Variants in RGS7 observed in about 807,000 individuals in gnomAD.
The protein encoded by RGS7 is regulator of G protein signaling 7, also known as regulator of G-protein signaling 7.
A neutral mutation model predicts 81.1 loss-of-function variants in RGS7; 27 were observed. The ratio of observed to expected loss-of-function variants is 0.33; its 90% confidence interval spans 0.25 to 0.46. The LOEUF (loss-of-function observed/expected upper bound fraction) is 0.46. Ranked by LOEUF, RGS7 falls within the 20% of genes least tolerant of loss-of-function variation. The pLI is 1.00. For missense variants in RGS7, 396 were observed against 607.4 expected (o/e 0.65, Z 3.66); for synonymous variants, 208 against 207.7 (o/e 1.00, Z -0.01).
Position 241,232,027 on chromosome 1 carries a change from C to T in RGS7, c.78+123672G>A, listed in dbSNP as rs1210127767. The stretch of plus-strand genomic sequence containing the variant: ...ATAGTGTAAGGTAAGGATTTAAATT[C>T]GCTGCTTTTTGTATGGATATATAAT... On this transcript the variant is annotated intron_variant, in intron 2 of 18. Coordinates refer to ENST00000440928, the MANE Select transcript of RGS7 (RefSeq NM_001364886.1). Among the ~76,000 whole-genome samples the T allele has an allele frequency of 3.9e-5, 6 of 152,102 alleles. No individual in the cohort carries two copies. The South Asian group carries it at 1.2e-3, about 32-fold the overall frequency.
At chr1:241,296,162 A>G (rs7355007) in intron 2 of RGS7, among the ~76,000 whole-genome samples, 108,968 of 151,968 alleles carry the variant, frequency 0.72, 40,520 homozygotes, top group East Asian at 0.98. Flanking sequence ...CCAGGAAAGG[A>G]AGAGCAGGAG....
intron 2 of RGS7, among the ~76,000 whole-genome samples, chr1:241,212,181 A>C (rs2074282734): frequency 6.6e-6 from 1 of 152,138 alleles, no homozygotes; most frequent in African/African-American, 2.4e-5. Flanking sequence ...AATAATAACA[A>C]ATACACATGT....
intron 3 of RGS7, among the ~76,000 whole-genome samples, chr1:241,089,381 A>G (rs191300615): frequency 1.3e-5 from 2 of 151,682 alleles, no homozygotes; most frequent in African/African-American, 4.9e-5. Context: ...TCTGAGGTAA[A>G]GGCAATTGAG....
rs116304977 is a variant in RGS7, at chr1:241,286,869, C to A, written c.78+68830G>T. Among the ~76,000 whole-genome samples, 1,352 of 152,310 alleles carry A rather than the reference C, an allele frequency of 8.9e-3. 9 individuals carry two copies. Among genetic ancestry groups the A allele is most frequent in the Non-Finnish European group, 0.014 (923 of 68,026 alleles). On this transcript the variant is annotated intron_variant, in intron 2 of 18. Transcript: ENST00000440928. ...GTCTGGTGGCCTACACCACACACTA[C>A]AATCAACAAGGGACATCTAGATTTC...
intron 2 of RGS7, among the ~76,000 whole-genome samples, chr1:241,342,493 T>C (rs1290292962): frequency 6.6e-6 from 1 of 152,238 alleles, no homozygotes. Context: ...AAATTAGCCT[T>C]TGGAGCTCAG....
At chr1:241,063,906 G>A (rs191846471) in intron 3 of RGS7, among the ~76,000 whole-genome samples, 4 of 152,210 alleles carry the variant, frequency 2.6e-5, no homozygotes, top group African/African-American at 7.2e-5. Context: ...AAATAAAGCC[G>A]GGCGCGGTGG....
intron 4 of RGS7, among the ~76,000 whole-genome samples, chr1:240,957,247 C>A (rs185269357): frequency 2.6e-5 from 4 of 152,244 alleles, no homozygotes; most frequent in African/African-American, 9.6e-5. Context: ...ATGCTTCCTG[C>A]CCTCGAACCT....
At chr1:241,136,449 G>C (rs886560861) in intron 2 of RGS7, among the ~76,000 whole-genome samples, 44 of 152,104 alleles carry the variant, frequency 2.9e-4, no homozygotes, top group African/African-American at 9.7e-4. Flanking sequence ...TGGAGATAAG[G>C]GGGGGGATGT....
At chr1:240,881,635 TAAAG>T (rs1666411027) in intron 6 of RGS7, among the ~76,000 whole-genome samples, 1 of 152,216 alleles carries the variant, frequency 6.6e-6, no homozygotes, top group Non-Finnish European at 1.5e-5. Context: ...AATGAAAAGT[TAAAG>T]AATAATTTGG....
intron 2 of RGS7, among the ~76,000 whole-genome samples, chr1:241,325,530 A>T (rs987032768): frequency 1.3e-5 from 2 of 152,218 alleles, no homozygotes; most frequent in Admixed American, 6.5e-5. Context: ...TGCCAGTCAC[A>T]GGTGCACACA....
intron 18 of RGS7, among the ~76,000 whole-genome samples, chr1:240,791,576 G>C (rs1489244592): frequency 6.6e-6 from 1 of 152,150 alleles, no homozygotes; most frequent in Non-Finnish European, 1.5e-5. Context: ...GTATAAAAAT[G>C]GCTTTCTTTT....
intron 10 of RGS7, among the ~76,000 whole-genome samples, chr1:240,824,733 C>G (rs746809008): frequency 2.6e-5 from 4 of 152,174 alleles, no homozygotes; most frequent in Non-Finnish European, 5.9e-5. Flanking sequence ...CAGCCCTATC[C>G]CCCAACATAG....
intron 4 of RGS7, among the ~76,000 whole-genome samples, chr1:240,981,982 C>A (rs559814315): frequency 6.6e-6 from 1 of 152,308 alleles, no homozygotes; most frequent in South Asian, 2.1e-4. Flanking sequence ...TATCACTGAC[C>A]TTTTCTGCAG....
At chr1:240,911,015 A>AT (rs1394801417) in intron 6 of RGS7, among the ~76,000 whole-genome samples, 1 of 152,024 alleles carries the variant, frequency 6.6e-6, no homozygotes, top group African/African-American at 2.4e-5. Context: ...TTAAAAAAAA[A>AT]TTTTTTTTAA....
intron 3 of RGS7, among the ~76,000 whole-genome samples, chr1:241,002,480 C>G (rs2148634094): frequency 6.6e-6 from 1 of 151,406 alleles, no homozygotes; most frequent in South Asian, 2.1e-4. Context: ...TGGTACCACA[C>G]TGTGAAGACA....
chr1:241,261,893 G>A (rs1318109653), intron 2 of RGS7, among the ~76,000 whole-genome samples: 2 of 151,982 alleles, frequency 1.3e-5, no homozygotes, highest in African/African-American at 4.8e-5. Flanking sequence ...TAGAAAAATG[G>A]GGGAAATTTG....
chr1:241,082,306 C>G (rs2063179414), intron 3 of RGS7, among the ~76,000 whole-genome samples: 1 of 152,186 alleles, frequency 6.6e-6, no homozygotes, highest in Non-Finnish European at 1.5e-5. Context: ...TTCACATGTT[C>G]AGAAGGCACT....
intron 3 of RGS7, among the ~76,000 whole-genome samples, chr1:241,048,343 G>C (rs1024900745): frequency 6.6e-5 from 10 of 152,190 alleles, no homozygotes; most frequent in Admixed American, 6.5e-4. Flanking sequence ...GAAATAGTAA[G>C]AGTTGGAAAA....
At chr1:241,214,641 T>A (rs1230182956) in intron 2 of RGS7, among the ~76,000 whole-genome samples, 3 of 152,136 alleles carry the variant, frequency 2.0e-5, no homozygotes, top group Non-Finnish European at 4.4e-5. Flanking sequence ...TAAAAGTATA[T>A]CAGATCACTC....
Sources: gnomAD v4.1 joint callset for allele counts (sites outside exome capture counted in the v4.1 genomes callset) on GRCh38, gnomAD v4.1.1 for gene constraint, MANE v1.5 for transcripts, NCBI Gene and HGNC (gene_info 2026-07-23, HGNC 2026-07-21) for gene names.